PPFIA2: variants seen among roughly 807,000 people sequenced by gnomAD.
The protein encoded by PPFIA2 is liprin-alpha-2.
PPFIA2 carries 46 observed loss-of-function variants against 175.5 expected under a neutral mutation model. The observed-to-expected ratio is 0.26, with a 90% confidence interval of 0.21 to 0.34. The LOEUF (loss-of-function observed/expected upper bound fraction) is 0.34, where lower values mean the gene tolerates loss of function less well. Ranked by LOEUF, PPFIA2 falls within the 10% of genes least tolerant of loss-of-function variation. PPFIA2 has a pLI of 1.00. For missense variants in PPFIA2, 1,179 were observed against 1,506.1 expected, an observed-to-expected ratio of 0.78 and a Z score of 3.60; for synonymous variants, 568 against 511.4, an observed-to-expected ratio of 1.11 and a Z score of -1.49.
chr12:81,294,623 GC>G (rs762166199), intron 24 of PPFIA2: 2 of 575,616 alleles, frequency 3.5e-6, no homozygotes, highest in East Asian at 5.9e-5. Flanking sequence ...TCAAAAGTCT[GC>G]TATGCTAGCT....
intron 9 of PPFIA2, among the ~76,000 whole-genome samples, chr12:81,381,627 G>A (rs1044713954): frequency 2.0e-5 from 3 of 152,160 alleles, no homozygotes; most frequent in Non-Finnish European, 4.4e-5. Flanking sequence ...CAGTGATACA[G>A]AAGAGGGGTT....
Position 81,540,136 on chromosome 12 carries a change from G to A in PPFIA2, c.304-82270C>T, listed in dbSNP as rs566330729. ...TTATAGCCAATTTCAGGCAGATTCT[G>A]TACTTCTCACCAACTCCTGTTCTCT... On this transcript the variant is annotated intron_variant, in intron 4 of 32. Coordinates refer to ENST00000549396, the MANE Select transcript of PPFIA2 (RefSeq NM_003625.5). Among the ~76,000 whole-genome samples, 4 of 152,048 alleles carry A rather than the reference G, an allele frequency of 2.6e-5. No individual in the cohort carries two copies. In the South Asian group the frequency reaches 8.3e-4, roughly 32 times the overall value.
chr12:81,606,519 G>A (rs543196435), intron 4 of PPFIA2, among the ~76,000 whole-genome samples: 5 of 152,184 alleles, frequency 3.3e-5, no homozygotes, highest in South Asian at 2.1e-4. Flanking sequence ...ATTTTGCCTG[G>A]TGTGAGATAG....
chr12:81,656,275 T>C (rs4587799), intron 4 of PPFIA2, among the ~76,000 whole-genome samples: 49,147 of 152,006 alleles, frequency 0.32, 10,718 homozygotes, highest in African/African-American at 0.62. Context: ...GAATTGACCA[T>C]TTTTCTACTT....
At position 81,417,149 on chromosome 12, in the gene PPFIA2, T is replaced by C. The variant is rs1039487636; in HGVS notation, c.646-11246A>G. ...GTTTATTCAAGTGTATTCCATTTGCTTTCGGGAATATTTGGATGTTTTAGA... is the reference window on the plus strand; with the variant it reads ...GTTTATTCAAGTGTATTCCATTTGCCTTCGGGAATATTTGGATGTTTTAGA... On this transcript the variant is annotated intron_variant, in intron 7 of 32. Coordinates refer to ENST00000549396, the MANE Select transcript of PPFIA2 (RefSeq NM_003625.5). 6 of 151,864 alleles carry C rather than the reference T, an allele frequency of 4.0e-5. No homozygotes were observed. In the East Asian group the frequency reaches 1.2e-3, roughly 29 times the overall value. 9.4% of individuals were successfully genotyped at this position (151,864 alleles called of 1,614,324 possible).
intron 2 of PPFIA2, among the ~76,000 whole-genome samples, chr12:81,754,804 C>G (rs1031377820): frequency 3.5e-4 from 53 of 151,986 alleles, no homozygotes; most frequent in Non-Finnish European, 3.4e-4. Context: ...TTTAGTCAAC[C>G]GATTTTTTTC....
intron 24 of PPFIA2, among the ~76,000 whole-genome samples, chr12:81,287,008 T>G (rs2043611963): frequency 6.6e-6 from 1 of 151,988 alleles, no homozygotes; most frequent in Admixed American, 6.6e-5. Context: ...TGGAATAAAT[T>G]GTTTTTATTG....
At chr12:81,466,910 AAAT>A (rs918011813) in intron 4 of PPFIA2, among the ~76,000 whole-genome samples, 32 of 147,428 alleles carry the variant, frequency 2.2e-4, no homozygotes, top group Admixed American at 1.6e-3. Flanking sequence ...AATATATAAT[AAAT>A]AATATTAAAT....
chr12:81,476,850 C>T (rs190327358), intron 4 of PPFIA2, among the ~76,000 whole-genome samples: 116 of 152,242 alleles, frequency 7.6e-4, no homozygotes, highest in African/African-American at 2.7e-3. Flanking sequence ...AAATGTGGTG[C>T]ATAAACACCA....
chr12:81,263,080 A>C (rs2036158411), intron 31 of PPFIA2, 151 bp downstream of exon 31: 1 of 699,634 alleles, frequency 1.4e-6, no homozygotes. Flanking sequence ...GCAGTGTAAA[A>C]AGGAGTCTGG....
chr12:81,337,862 G>T (rs186280550), intron 21 of PPFIA2, among the ~76,000 whole-genome samples: 130 of 152,196 alleles, frequency 8.5e-4, no homozygotes, highest in Non-Finnish European at 1.4e-3. Flanking sequence ...TTAAAATAAT[G>T]TCTGGCATGT....
intron 4 of PPFIA2, among the ~76,000 whole-genome samples, chr12:81,633,275 C>A (rs1304181866): frequency 6.6e-6 from 1 of 152,000 alleles, no homozygotes; most frequent in Admixed American, 6.6e-5. Context: ...CCAAAAGATA[C>A]AAGAGTAGCC....
chr12:81,544,981 T>C (rs1210794178), intron 4 of PPFIA2, among the ~76,000 whole-genome samples: 1 of 152,188 alleles, frequency 6.6e-6, no homozygotes, highest in African/African-American at 2.4e-5. Context: ...AATGAGGTAA[T>C]GACTCATCAA....
chr12:81,359,486 A>T (rs1396217951), intron 15 of PPFIA2, among the ~76,000 whole-genome samples: 1 of 151,900 alleles, frequency 6.6e-6, no homozygotes, highest in Non-Finnish European at 1.5e-5. Context: ...TAAAGGACAC[A>T]ACTCTGTCTT....
At chr12:81,610,420 T>C (rs899903726) in intron 4 of PPFIA2, among the ~76,000 whole-genome samples, 3 of 152,210 alleles carry the variant, frequency 2.0e-5, no homozygotes, top group Non-Finnish European at 2.9e-5. Context: ...CCATATTTCA[T>C]AGAGGTTTTG....
At chr12:81,511,673 A>G (rs2061816118) in intron 4 of PPFIA2, among the ~76,000 whole-genome samples, 1 of 152,102 alleles carries the variant, frequency 6.6e-6, no homozygotes, top group Non-Finnish European at 1.5e-5. Context: ...ACATCAGTAT[A>G]TGGAACATAA....
At chr12:81,635,398 A>G (rs536992208) in intron 4 of PPFIA2, among the ~76,000 whole-genome samples, 2 of 152,376 alleles carry the variant, frequency 1.3e-5, no homozygotes, top group South Asian at 2.1e-4. Context: ...AATATGTGAC[A>G]GAAAATAATA....
At chr12:81,496,710 A>G (rs2060065338) in intron 4 of PPFIA2, among the ~76,000 whole-genome samples, 1 of 152,234 alleles carries the variant, frequency 6.6e-6, no homozygotes, top group Non-Finnish European at 1.5e-5. Flanking sequence ...CCTCTGGGAT[A>G]GAATGGGAAA....
At chr12:81,541,082 T>C (rs1307823782) in intron 4 of PPFIA2, among the ~76,000 whole-genome samples, 1 of 152,142 alleles carries the variant, frequency 6.6e-6, no homozygotes, top group Admixed American at 6.6e-5. Flanking sequence ...TATTTAAACA[T>C]TTGCATAAAC....
Sources: allele counts gnomAD v4.1 joint callset (sites outside exome capture counted in the v4.1 genomes callset), GRCh38; gene constraint gnomAD v4.1.1; transcripts MANE v1.5; gene names NCBI Gene and HGNC (gene_info 2026-07-23, HGNC 2026-07-21).